Variants in IFT74 observed in about 807,000 individuals in gnomAD.
IFT74 encodes intraflagellar transport 74, also known as intraflagellar transport protein 74 homolog.
IFT74 carries 92 observed loss-of-function variants against 96.7 expected under a neutral mutation model. The observed-to-expected ratio is 0.95, with a 90% CI of 0.80 to 1.13. The LOEUF is 1.13. Ranked by LOEUF, IFT74 falls within the 50% of genes most tolerant of loss-of-function variation. The pLI, the probability that IFT74 is intolerant of heterozygous loss-of-function variation, is 0.00. For missense variants in IFT74, 811 were observed against 698.2 expected (o/e 1.16, Z -1.82); for synonymous variants, 223 against 213.2 (o/e 1.05, Z -0.40).
intron 1 of IFT74, among the ~76,000 whole-genome samples, chr9:26,950,320 A>G (rs1004332573): frequency 2.0e-5 from 3 of 151,916 alleles, no homozygotes; most frequent in Non-Finnish European, 2.9e-5. Context: ...CAAAAAAAAA[A>G]AAAGAAAGAA....
intron 8 of IFT74, chr9:26,998,233 T>C (rs895441670): frequency 3.4e-5 from 49 of 1,451,688 alleles, no homozygotes; most frequent in Non-Finnish European, 2.3e-5. Context: ...TAAAATTACA[T>C]TGGACTTCCT....
At chr9:27,012,009 T>C (rs1563973638) in intron 10 of IFT74, 41 bp downstream of exon 10, 2 of 1,306,332 alleles carry the variant, frequency 1.5e-6, no homozygotes, top group Non-Finnish European at 2.1e-6. Flanking sequence ...ACTACTCAGC[T>C]AAAAAAGTTA....
chr9:27,028,661 CAGG>C (rs1169452311), intron 12 of IFT74: 1 of 161,220 alleles, frequency 6.2e-6, no homozygotes, highest in African/African-American at 2.4e-5. Flanking sequence ...GAGGCTGAGG[CAGG>C]AGAATCGCTT....
chr9:27,033,355 C>T (rs966697909), intron 13 of IFT74, among the ~76,000 whole-genome samples: 61 of 151,828 alleles, frequency 4.0e-4, no homozygotes, highest in African/African-American at 1.4e-3. Flanking sequence ...CTCAGAAGTT[C>T]GAGACCAGCC....
At chr9:26,961,235 C>T (rs1326292484) in intron 1 of IFT74, among the ~76,000 whole-genome samples, 1 of 151,540 alleles carries the variant, frequency 6.6e-6, no homozygotes, top group African/African-American at 2.4e-5. Flanking sequence ...GTACTACAGG[C>T]ACCCGCCACC....
At chr9:27,031,584 C>T (rs1830125112) in intron 13 of IFT74, among the ~76,000 whole-genome samples, 1 of 146,836 alleles carries the variant, frequency 6.8e-6, no homozygotes, top group Non-Finnish European at 1.5e-5. Context: ...AAATCAGGCC[C>T]TTAACTTTAC....
chr9:26,986,791 T>C (rs1827659438), intron 6 of IFT74, among the ~76,000 whole-genome samples: 1 of 151,992 alleles, frequency 6.6e-6, no homozygotes, highest in Non-Finnish European at 1.5e-5. Flanking sequence ...CCTGGCTAAT[T>C]TTTAAATTTT....
intron 9 of IFT74, among the ~76,000 whole-genome samples, chr9:27,009,680 A>C (rs1435472248): frequency 6.6e-6 from 1 of 152,040 alleles, no homozygotes; most frequent in African/African-American, 2.4e-5. Flanking sequence ...TCAAAAAAAA[A>C]AAGGCCTCAT....
chr9:26,951,072 C>G (rs889887263), intron 1 of IFT74, among the ~76,000 whole-genome samples: 1 of 152,200 alleles, frequency 6.6e-6, no homozygotes, highest in Admixed American at 6.5e-5. Context: ...GAAAAATGTC[C>G]GTAATGACAG....
chr9:26,995,342 A>G, intron 8 of IFT74: 1 of 522,928 alleles, frequency 1.9e-6, no homozygotes, highest in South Asian at 2.3e-5. Flanking sequence ...AGTGTCAGTT[A>G]CTGTATTTGA....
intron 2 of IFT74, among the ~76,000 whole-genome samples, chr9:26,969,081 A>G (rs1267573366): frequency 6.6e-6 from 1 of 152,118 alleles, no homozygotes; most frequent in Non-Finnish European, 1.5e-5. Flanking sequence ...CTTTTGCTGT[A>G]TCACATAGGT....
intron 9 of IFT74, among the ~76,000 whole-genome samples, chr9:27,011,658 T>C (rs1829085840): frequency 6.7e-6 from 1 of 149,332 alleles, no homozygotes; most frequent in Non-Finnish European, 1.5e-5. Flanking sequence ...TTTTTTTTTT[T>C]TTTTTGAAGG....
Position 27,056,353 on chromosome 9 carries a change from T to C in IFT74, c.1517T>C (p.Met506Thr). 1 of 1,586,892 alleles carries C rather than the reference T, an allele frequency of 6.3e-7. No homozygotes were observed. Among genetic ancestry groups the C allele is most frequent in the Non-Finnish European group, 8.6e-7 (1 of 1,161,204 alleles). ...TTCTAGAAATTACATCAGGAGAGAA[T>C]GATATTATCAACCCACAGAAATGCC... Reference protein sequence around the residue: ...EKIKKLHQERMILSTHRNAFK... With the variant: ...EKIKKLHQERTILSTHRNAFK... Residue 506 changes from methionine (M) to threonine (T), a missense_variant, in exon 18 of 20, where the codon ATG becomes ACG. By Grantham distance (81) the Met-to-Thr change is moderately conservative. Transcript: ENST00000380062.
At position 27,056,319 on chromosome 9, in the gene IFT74, T is replaced by C; in HGVS notation, c.1498-15T>C. 6.5e-7 allele frequency: 1 copy of C among 1,537,678 alleles called. No homozygotes were observed. The highest frequency in any genetic ancestry group is 8.9e-7 in the Non-Finnish European group (1 of 1,129,386). ...TATTTTCTATAACCTGTCACTTCTA[T>C]TTGGATCTTTCTAGAAATTACATCA... On this transcript the variant is annotated splice_polypyrimidine_tract_variant and intron_variant, in intron 17 of 19. Coordinates refer to ENST00000380062, the MANE Select transcript of IFT74 (RefSeq NM_025103.4).
intron 12 of IFT74, among the ~76,000 whole-genome samples, chr9:27,027,364 A>G (rs1829914666): frequency 6.6e-6 from 1 of 152,182 alleles, no homozygotes; most frequent in South Asian, 2.1e-4. Flanking sequence ...ATGGAGCCAC[A>G]GCTGAATTCT....
chr9:27,009,116 C>CA lies in IFT74; in HGVS notation c.686dup (p.Tyr230ValfsTer9). On this transcript the variant is annotated frameshift_variant, in exon 9 of 20. Transcript: ENST00000380062. LOFTEE classifies it high-confidence loss of function. ...AAAATATGTCTTTTGAAAACCAAGT[C>CA]AAGTACCTAGAGATGAAAACCACAA... The CA allele has an allele frequency of 1.2e-6, 2 of 1,613,136 alleles. No homozygotes were observed. Among genetic ancestry groups the CA allele is most frequent in the Non-Finnish European group, 1.7e-6 (2 of 1,179,368 alleles).
rs150993149 is a variant in IFT74, at chr9:26,989,242, A to G, written c.525+514A>G. Among the ~76,000 whole-genome samples, 6 of 152,270 alleles carry G rather than the reference A, an allele frequency of 3.9e-5. No individual in the cohort carries two copies. In the East Asian group the frequency reaches 1.2e-3, roughly 29 times the overall value. On this transcript the variant is annotated intron_variant, in intron 7 of 19. Coordinates refer to ENST00000380062, the MANE Select transcript of IFT74 (RefSeq NM_025103.4). ...GATGGTAGGAGGGCAATAAGGGTGGAAAAATTACCTAGCAGGTACAGTGTT... is the reference window on the plus strand; with the variant it reads ...GATGGTAGGAGGGCAATAAGGGTGGGAAAATTACCTAGCAGGTACAGTGTT...
chr9:26,956,675 T>C (rs1263205401), intron 1 of IFT74, among the ~76,000 whole-genome samples, 159 bp downstream of exon 1: 1 of 152,196 alleles, frequency 6.6e-6, no homozygotes, highest in East Asian at 1.9e-4. Flanking sequence ...CCAATTCTAG[T>C]CGAGCGAAGG....
In IFT74 at chr9:26,978,259, G is replaced by A. The variant is rs374010822; in HGVS notation, c.252G>A (p.Thr84=). 8.1e-5 allele frequency: 130 copies of A among 1,612,598 alleles called. No individual in the cohort carries two copies. The highest frequency in any genetic ancestry group is 2.9e-4 in the African/African-American group (22 of 74,858). The change falls in exon 3 of 20, where the codon ACG becomes ACA. Residue 84 remains threonine, a synonymous_variant. Transcript: ENST00000380062. ...QQGLTGMKTG[T]KGPQRQILDK... ...GTTTGACTGGAATGAAAACTGGGAC[G>A]AAAGGTACCTATTTTAAGATAAGTA... is the stretch of plus-strand genomic sequence containing the variant.
Sources: allele counts gnomAD v4.1 joint callset (sites outside exome capture counted in the v4.1 genomes callset), GRCh38; gene constraint gnomAD v4.1.1; transcripts MANE v1.5; gene names NCBI Gene and HGNC (gene_info 2026-07-23, HGNC 2026-07-21).